The following MS4A4E variants were observed in gnomAD, a reference collection of about 807,000 sequenced individuals.
The protein encoded by MS4A4E is putative membrane-spanning 4-domains subfamily A member 4E.
A neutral mutation model predicts 13.3 loss-of-function variants in MS4A4E; 23 were observed. That is an observed-to-expected ratio of 1.73 (90% CI 1.25 to 2.45). The LOEUF is 2.45. MS4A4E is among the 30% of genes most tolerant of loss of function. MS4A4E has a pLI of 0.00. For synonymous variants in MS4A4E, 36 were observed against 45.6 expected (o/e 0.79, Z 0.85); for missense variants, 144 against 131.2 (o/e 1.10, Z -0.48).
rs1368671931 is a variant in MS4A4E at position 60,230,027 on chromosome 11, G to A, written c.29C>T (p.Thr10Ile). Residue 10 changes from threonine (T) to isoleucine (I), a missense_variant, in exon 2 of 9, where the codon ACC (threonine) becomes ATC (isoleucine). By Grantham distance (89) the Thr-to-Ile change is moderately conservative. Coordinates refer to ENST00000651255, the MANE Select transcript of MS4A4E (RefSeq NM_001393391.1). MTTMQGMEQ[T>I]TPGAGPDVPQ... ...CACATCAGGGCCAGCCCCTGGAGTG[G>A]TCTGTTCCATTCCTTGCATGGTTGT... 7 of 1,609,850 alleles carry A rather than the reference G, an allele frequency of 4.3e-6. No individual in the cohort carries two copies. The African/African-American group carries it at 6.7e-5, about 15-fold the overall frequency.
At chr11:60,230,184 A>G (rs1264357298) in intron 1 of MS4A4E, 113 bp from the exon 2 acceptor site, 19 of 1,176,318 alleles carry the variant, frequency 1.6e-5, no homozygotes, top group Non-Finnish European at 1.9e-5. Flanking sequence ...TTCCCCTCCA[A>G]TATTATAACA....
rs377132403 is a variant in MS4A4E at position 60,205,336 on chromosome 11, ATCTC to A, written c.590+374_590+377del. ...TTTAACCTACAAGAGGAAGGATATT[ATCTC>A]TCTTATTCACCGCTATTTTCTTATA... On this transcript the variant is annotated intron_variant, in intron 7 of 8. Transcript: ENST00000651255. Among the ~76,000 whole-genome samples the A allele has an allele frequency of 3.7e-3, 568 of 152,328 alleles. 1 individual carries two copies. The highest frequency in any genetic ancestry group is 0.013 in the African/African-American group (540 of 41,580).
chr11:60,228,818 G>A (rs73485316), intron 2 of MS4A4E, among the ~76,000 whole-genome samples, 191 bp from the exon 3 acceptor site: 23,173 of 152,252 alleles, frequency 0.15, 2,026 homozygotes, highest in African/African-American at 0.23. Flanking sequence ...CATGTTATTA[G>A]GTGAAGGAAG....
chr11:60,224,854 A>G (rs2084319885), intron 3 of MS4A4E: 1 of 951,112 alleles, frequency 1.1e-6, no homozygotes, highest in East Asian at 2.8e-5. Context: ...GTTAGATACC[A>G]TTCTCAAATT....
chr11:60,223,138 G>A (rs868345553), intron 3 of MS4A4E, among the ~76,000 whole-genome samples: 9 of 152,130 alleles, frequency 5.9e-5, no homozygotes, highest in Non-Finnish European at 1.3e-4. Context: ...ATCAATACCA[G>A]CTACAACCAT....
chr11:60,201,366 C>G lies in MS4A4E; in HGVS notation c.*177G>C, dbSNP rs1359305562. The G allele has an allele frequency of 1.7e-5, 3 of 180,398 alleles. No individual in the cohort carries two copies. Among genetic ancestry groups the G allele is most frequent in the Non-Finnish European group, 3.5e-5 (3 of 86,418 alleles). 11.2% of individuals were successfully genotyped at this position (180,398 alleles called of 1,614,324 possible). A position where few individuals can be genotyped will look rare whatever the true frequency, so the allele number is the denominator to read the frequency against. ...CTCACTTCCCAGACGGGGTGGCTGC[C>G]GGGCGGAGGGGCTCCTCACTTCTCA... is the stretch of plus-strand genomic sequence containing the variant. On this transcript the variant is annotated 3_prime_UTR_variant, in exon 9 of 9. Coordinates refer to ENST00000651255, the MANE Select transcript of MS4A4E (RefSeq NM_001393391.1).
At chr11:60,214,186 A>G (rs1160512977) in intron 4 of MS4A4E, among the ~76,000 whole-genome samples, 1 of 152,162 alleles carries the variant, frequency 6.6e-6, no homozygotes, top group African/African-American at 2.4e-5. Context: ...GATTACAGGC[A>G]TGAGCCACCG....
At chr11:60,218,892 C>G (rs1267810282) in intron 3 of MS4A4E, among the ~76,000 whole-genome samples, 1 of 152,166 alleles carries the variant, frequency 6.6e-6, no homozygotes, top group South Asian at 2.1e-4. Flanking sequence ...TTGGATCAGG[C>G]TGAATTTATT....
chr11:60,208,700 A>G lies in MS4A4E; in HGVS notation c.382-6T>C, dbSNP rs1199757555. The G allele has an allele frequency of 5.9e-6, 7 of 1,186,546 alleles. No homozygotes were observed. The highest frequency in any genetic ancestry group is 8.4e-6 in the Non-Finnish European group (7 of 829,780). The allele number at this position is 1,186,546 out of a possible 1,614,324, so 73.5% of individuals were successfully genotyped here. On this transcript the variant is annotated splice_polypyrimidine_tract_variant and splice_region_variant and intron_variant, in intron 5 of 8. Coordinates refer to ENST00000651255, the MANE Select transcript of MS4A4E (RefSeq NM_001393391.1). ...AGCACCATGCCATCCGTACCCTAGG[A>G]GAAAACTCATAACAAGGGAATGTGA... is the stretch of plus-strand genomic sequence containing the variant.
intron 3 of MS4A4E, among the ~76,000 whole-genome samples, chr11:60,222,678 C>T (rs1214556093): frequency 6.6e-6 from 1 of 152,170 alleles, no homozygotes; most frequent in Non-Finnish European, 1.5e-5. Context: ...CTATGTTCTG[C>T]TGGCCTAGAG....
intron 3 of MS4A4E, among the ~76,000 whole-genome samples, chr11:60,218,128 C>A (rs989406002): frequency 1.2e-4 from 19 of 152,168 alleles, no homozygotes; most frequent in African/African-American, 4.3e-4. Context: ...ATGGTCGAGG[C>A]TGTAGGGGTG....
intron 7 of MS4A4E, among the ~76,000 whole-genome samples, chr11:60,205,273 G>A (rs1331302900): frequency 6.6e-6 from 1 of 152,092 alleles, no homozygotes; most frequent in East Asian, 1.9e-4. Context: ...AAAATGTTTT[G>A]ATTGTTTTAT....
chr11:60,217,152 C>A (rs1444735221), intron 3 of MS4A4E, among the ~76,000 whole-genome samples: 2 of 152,122 alleles, frequency 1.3e-5, no homozygotes, highest in Non-Finnish European at 2.9e-5. Context: ...AGATACTGAG[C>A]CTCAAATCTT....
intron 3 of MS4A4E, among the ~76,000 whole-genome samples, chr11:60,216,618 T>A (rs2084197824): frequency 6.6e-6 from 1 of 150,584 alleles, no homozygotes; most frequent in South Asian, 2.1e-4. Flanking sequence ...TATATATAGG[T>A]TATATATCAT....
At chr11:60,211,877 C>T (rs755952095) in intron 5 of MS4A4E, among the ~76,000 whole-genome samples, 15 of 152,086 alleles carry the variant, frequency 9.9e-5, no homozygotes, top group African/African-American at 1.7e-4. Context: ...TGTGCCACCA[C>T]GTGCATTGTG....
At position 60,200,484 on chromosome 11, in the gene MS4A4E, T is replaced by C. The variant is rs1291557095; in HGVS notation, c.*1059A>G. On this transcript the variant is annotated 3_prime_UTR_variant, in exon 9 of 9. Coordinates refer to ENST00000651255, the MANE Select transcript of MS4A4E (RefSeq NM_001393391.1). ...CTGGGTACTTGAGATTAGGGAGTGG[T>C]GATGACTCTTAACGAGCATGCTGCC... Among the ~76,000 whole-genome samples the C allele has an allele frequency of 6.6e-6, 1 of 152,066 alleles. No individual in the cohort carries two copies. Among genetic ancestry groups the C allele is most frequent in the Non-Finnish European group, 1.5e-5 (1 of 68,026 alleles).
chr11:60,202,294 T>A (rs143239501), intron 8 of MS4A4E, among the ~76,000 whole-genome samples: 1 of 152,378 alleles, frequency 6.6e-6, no homozygotes, highest in Non-Finnish European at 1.5e-5. Context: ...AAATTGTTGC[T>A]ATATTTCCAC....
Position 60,200,892 on chromosome 11 carries a change from C to T in MS4A4E, c.*651G>A, listed in dbSNP as rs1316942768. Among the ~76,000 whole-genome samples, 20 of 150,328 alleles carry T rather than the reference C, an allele frequency of 1.3e-4. No homozygotes were observed. In the South Asian group the frequency reaches 2.9e-3, roughly 22 times the overall value. ...CTGGGCAGAGGCACCCCTCACCTCC[C>T]GGACGGGGCGGCTGGCCGGGCGGGG... On this transcript the variant is annotated 3_prime_UTR_variant, in exon 9 of 9. Transcript: ENST00000651255.
At chr11:60,223,977 C>T (rs569085250) in intron 3 of MS4A4E, among the ~76,000 whole-genome samples, 44 of 152,238 alleles carry the variant, frequency 2.9e-4, no homozygotes, top group Non-Finnish European at 5.3e-4. Context: ...CTTTCACTTC[C>T]GCTGTACACG....
Sources: gnomAD v4.1 joint callset for allele counts (sites outside exome capture counted in the v4.1 genomes callset) on GRCh38, gnomAD v4.1.1 for gene constraint, MANE v1.5 for transcripts, NCBI Gene and HGNC (gene_info 2026-07-23, HGNC 2026-07-21) for gene names.